Variants in ATP8B1 observed in about 807,000 individuals in gnomAD.
The protein encoded by ATP8B1 is ATPase phospholipid transporting 8B1.
In ATP8B1, 80 loss-of-function variants were observed where a neutral mutation model predicts 149.9. The observed-to-expected ratio is 0.53, with a 90% confidence interval of 0.45 to 0.64. The LOEUF (loss-of-function observed/expected upper bound fraction) is 0.64, where lower values mean the gene tolerates loss of function less well. Among genes scored for constraint, ATP8B1 ranks in the 30% least tolerant of loss-of-function variants. ATP8B1 has a pLI of 0.00. For synonymous variants in ATP8B1, 536 were observed against 562.8 expected (o/e 0.95, Z 0.67); for missense variants, 1,247 against 1,552.6 (o/e 0.80, Z 3.31).
At chr18:57,727,866 G>A (rs1478397632) in intron 2 of ATP8B1, among the ~76,000 whole-genome samples, 1 of 152,162 alleles carries the variant, frequency 6.6e-6, no homozygotes, top group Non-Finnish European at 1.5e-5. Context: ...ATGCTGAGAA[G>A]TGTGTTCATC....
intron 1 of ATP8B1, among the ~76,000 whole-genome samples, chr18:57,792,383 A>G (rs2080471794): frequency 6.6e-6 from 1 of 152,118 alleles, no homozygotes; most frequent in South Asian, 2.1e-4. Context: ...CCTGAGCTCA[A>G]GTAATCTGCC....
At chr18:57,733,352 A>G (rs1362449680) in intron 1 of ATP8B1, among the ~76,000 whole-genome samples, 2 of 152,130 alleles carry the variant, frequency 1.3e-5, no homozygotes, top group Non-Finnish European at 2.9e-5. Context: ...TGTTATTCCT[A>G]CCCAGCAGAG....
At chr18:57,728,391 C>G (rs1318620750) in intron 2 of ATP8B1, among the ~76,000 whole-genome samples, 1 of 151,886 alleles carries the variant, frequency 6.6e-6, no homozygotes, top group Non-Finnish European at 1.5e-5. Flanking sequence ...GTCAGGGTGA[C>G]ACTGACCTTA....
chr18:57,652,596 A>G lies in ATP8B1; in HGVS notation c.3149T>C (p.Ile1050Thr). The change falls in exon 25 of 28, where the codon ATA becomes ACA. Residue 1050 changes from isoleucine (I) to threonine (T), a missense_variant. Coordinates refer to ENST00000648908, the MANE Select transcript of ATP8B1 (RefSeq NM_001374385.1). ...GGTTTGCAGATAAGCTCCAAGAGGT[A>G]TGAAGAAGAGGATCATCGATGTTAG... ...GVLTSMILFF[I>T]PLGAYLQTVG... 6.2e-7 allele frequency: 1 copy of G among 1,614,196 alleles called. No homozygotes were observed. The highest frequency in any genetic ancestry group is 2.2e-5 in the East Asian group (1 of 44,890).
intron 2 of ATP8B1, among the ~76,000 whole-genome samples, chr18:57,714,590 G>GT (rs112186463): frequency 0.052 from 3,144 of 60,600 alleles, 122 homozygotes; most frequent in African/African-American, 0.15. Context: ...AGAGGAGGGA[G>GT]GGGGGAAGGG....
rs562833951 is a variant in ATP8B1, at chr18:57,717,779, A to G, written c.182-11192T>C. Among the ~76,000 whole-genome samples, 149 of 151,402 alleles carry G rather than the reference A, an allele frequency of 9.8e-4. 1 individual carries two copies. The highest frequency in any genetic ancestry group is 1.5e-3 in the South Asian group (7 of 4,792). ...GAGACAGAGTCTCACTCTGTTGCCC[A>G]GGCTGGAGTGCAGTGGTGCGATCTT... On this transcript the variant is annotated intron_variant, in intron 2 of 27. Coordinates refer to ENST00000648908, the MANE Select transcript of ATP8B1 (RefSeq NM_001374385.1).
At chr18:57,775,001 G>A (rs554716559) in intron 1 of ATP8B1, among the ~76,000 whole-genome samples, 1 of 152,262 alleles carries the variant, frequency 6.6e-6, no homozygotes, top group East Asian at 1.9e-4. Context: ...TGGCACAGAG[G>A]AGATGAGAAA....
intron 21 of ATP8B1, among the ~76,000 whole-genome samples, chr18:57,661,676 T>TATAC (rs1555688751): frequency 9.6e-6 from 1 of 104,616 alleles, no homozygotes; most frequent in Non-Finnish European, 1.8e-5. Flanking sequence ...TGTATGTATA[T>TATAC]ACACACACAC....
At chr18:57,772,127 A>T (rs753066639) in intron 1 of ATP8B1, among the ~76,000 whole-genome samples, 61 of 152,336 alleles carry the variant, frequency 4.0e-4, no homozygotes, top group Non-Finnish European at 6.9e-4. Context: ...TGCTTTATAA[A>T]AGAGCTAAGA....
intron 17 of ATP8B1, among the ~76,000 whole-genome samples, chr18:57,670,323 C>A (rs1351595519): frequency 6.6e-6 from 1 of 151,486 alleles, no homozygotes; most frequent in African/African-American, 2.4e-5. Flanking sequence ...ATGAACGATT[C>A]AAACATTTTC....
Position 57,655,480 on chromosome 18 carries a change from G to A in ATP8B1, c.2708-63C>T. ...CCGATTGTGAGGCAAAACATCAGTT[G>A]ATAAAAATGGTTCCATAGCAAACAA... On this transcript the variant is annotated intron_variant, in intron 22 of 27. Coordinates refer to ENST00000648908, the MANE Select transcript of ATP8B1 (RefSeq NM_001374385.1). The A allele has an allele frequency of 2.1e-6, 3 of 1,451,318 alleles. No individual in the cohort carries two copies. The South Asian group carries it at 3.4e-5, about 17-fold the overall frequency. The allele number at this position is 1,451,318 out of a possible 1,614,324, so 89.9% of individuals were successfully genotyped here.
chr18:57,668,179 C>T lies in ATP8B1; in HGVS notation c.2209+250G>A, dbSNP rs138781802. The T allele has an allele frequency of 4.9e-4, 690 of 1,417,936 alleles. 2 individuals carry two copies. In the African/African-American group the frequency reaches 8.3e-3, roughly 17 times the overall value. The allele number at this position is 1,417,936 out of a possible 1,614,324, so 87.8% of individuals were successfully genotyped here. On this transcript the variant is annotated intron_variant, in intron 19 of 27. Transcript: ENST00000648908. ...CCACGTCTGGCTGGAGAGATAAGAC[C>T]AATTATAATCAGCAAGACATGGCCA...
intron 15 of ATP8B1, among the ~76,000 whole-genome samples, chr18:57,681,533 G>T (rs978552321): frequency 1.3e-5 from 2 of 152,144 alleles, no homozygotes; most frequent in Non-Finnish European, 2.9e-5. Flanking sequence ...GGGTGTGGTG[G>T]CTCACGCGTG....
At chr18:57,769,038 G>A (rs1164586553) in intron 1 of ATP8B1, among the ~76,000 whole-genome samples, 2 of 152,198 alleles carry the variant, frequency 1.3e-5, no homozygotes, top group Non-Finnish European at 1.5e-5. Flanking sequence ...GTGGGTGGCT[G>A]AGTATCCTTA....
intron 1 of ATP8B1, among the ~76,000 whole-genome samples, chr18:57,757,117 A>T (rs2080092727): frequency 6.6e-6 from 1 of 152,110 alleles, no homozygotes; most frequent in South Asian, 2.1e-4. Context: ...CTTTCCACTT[A>T]TTAGTTAGTA....
intron 2 of ATP8B1, among the ~76,000 whole-genome samples, chr18:57,719,844 C>T (rs1411666728): frequency 6.6e-6 from 1 of 152,240 alleles, no homozygotes. Flanking sequence ...TTAAATGTCC[C>T]TGTCTGACAG....
intron 15 of ATP8B1, among the ~76,000 whole-genome samples, chr18:57,683,364 A>G (rs878942723): frequency 6.6e-6 from 1 of 152,240 alleles, no homozygotes; most frequent in Admixed American, 6.5e-5. Flanking sequence ...GTGTGTCTAT[A>G]TAATTTATCA....
chr18:57,763,409 A>G (rs2080175535), intron 1 of ATP8B1, among the ~76,000 whole-genome samples: 2 of 150,224 alleles, frequency 1.3e-5, no homozygotes, highest in Admixed American at 1.3e-4. Flanking sequence ...AAAAAAAAAA[A>G]TTGTACTCTA....
chr18:57,692,906 C>T (rs1568198619), intron 11 of ATP8B1, among the ~76,000 whole-genome samples: 1 of 152,126 alleles, frequency 6.6e-6, no homozygotes, highest in Non-Finnish European at 1.5e-5. Flanking sequence ...AAAAGTCAAC[C>T]ATCCTAGTGG....
Sources: allele counts gnomAD v4.1 joint callset (sites outside exome capture counted in the v4.1 genomes callset), GRCh38; gene constraint gnomAD v4.1.1; transcripts MANE v1.5; gene names NCBI Gene and HGNC (gene_info 2026-07-23, HGNC 2026-07-21).